CASR: variants seen among roughly 807,000 people sequenced by gnomAD.
CASR encodes the protein extracellular calcium-sensing receptor.
In CASR, 23 loss-of-function variants were observed where a neutral mutation model predicts 69.1. The ratio of observed to expected loss-of-function variants is 0.33; its 90% CI spans 0.24 to 0.47. The LOEUF (loss-of-function observed/expected upper bound fraction) is 0.47. CASR is among the 20% of genes least tolerant of loss of function. The pLI is 1.00. For synonymous variants in CASR, 541 were observed against 544.7 expected, an observed-to-expected ratio of 0.99 and a Z score of 0.10; for missense variants, 924 against 1,356.1, an observed-to-expected ratio of 0.68 and a Z score of 5.00.
intron 1 of CASR, among the ~76,000 whole-genome samples, chr3:122,244,651 G>A (rs2074409683): frequency 6.6e-6 from 1 of 152,076 alleles, no homozygotes; most frequent in South Asian, 2.1e-4. Context: ...CGGAGTTCTG[G>A]TTCTGTTTTT....
intron 2 of CASR, among the ~76,000 whole-genome samples, chr3:122,255,806 C>G (rs916561969): frequency 3.9e-5 from 6 of 152,004 alleles, no homozygotes; most frequent in Non-Finnish European, 8.8e-5. Flanking sequence ...AAAGTTAGAC[C>G]AAGAGCTTAG....
intron 1 of CASR, among the ~76,000 whole-genome samples, chr3:122,229,798 G>A (rs4247192): frequency 0.16 from 24,855 of 152,174 alleles, 2,101 homozygotes; most frequent in Non-Finnish European, 0.18. Flanking sequence ...GGAGGTGGAA[G>A]CCACAGTGAG....
chr3:122,238,674 C>T (rs1377835430), intron 1 of CASR, among the ~76,000 whole-genome samples: 1 of 152,194 alleles, frequency 6.6e-6, no homozygotes, highest in Non-Finnish European at 1.5e-5. Context: ...CTCCTTCCTT[C>T]TGCTTAAGGA....
chr3:122,284,185 A>C lies in CASR; in HGVS notation c.2231A>C (p.Tyr744Ser). The C allele has an allele frequency of 6.2e-7, 1 of 1,613,914 alleles. No homozygotes were observed. The highest frequency in any genetic ancestry group is 8.5e-7 in the Non-Finnish European group (1 of 1,179,984). The change falls in exon 7 of 7, where the codon TAC (tyrosine) becomes TCC (serine). Residue 744 changes from tyrosine (Y) to serine (S), a missense_variant. By Grantham distance (144) the Tyr-to-Ser change is moderately radical. Coordinates refer to ENST00000639785, the MANE Select transcript of CASR (RefSeq NM_000388.4). Reference sequence around the variant, plus strand: ...ATTGTCATCTGTGTGATCTGGCTCTACACCGCGCCCCCGTCAAGCTACCGC... The same window carrying C: ...ATTGTCATCTGTGTGATCTGGCTCTCCACCGCGCCCCCGTCAAGCTACCGC... The part of the protein sequence containing the change: ...MQIVICVIWL[Y>S]TAPPSSYRNQ...
At chr3:122,243,676 T>A (rs979682997) in intron 1 of CASR, among the ~76,000 whole-genome samples, 4 of 152,108 alleles carry the variant, frequency 2.6e-5, no homozygotes, top group African/African-American at 9.7e-5. Flanking sequence ...CTGCTAGGTA[T>A]ATATACCCCA....
Position 122,290,937 on chromosome 3 carries a change from A to T in CASR, c.*5746A>T, listed in dbSNP as rs546401264. The T allele has an allele frequency of 4.3e-4, 60 of 139,264 alleles. No homozygotes were observed. Among genetic ancestry groups the T allele is most frequent in the African/African-American group, 1.3e-3 (48 of 36,516 alleles). 8.6% of individuals were successfully genotyped at this position (139,264 alleles called of 1,614,324 possible). ...ATGTTCCCCTTCCTGTGTCCATGTG[A>T]TCTCATTGTTCGATTCCCACCTATG... is the stretch of plus-strand genomic sequence containing the variant. On this transcript the variant is annotated 3_prime_UTR_variant, in exon 7 of 7. Transcript: ENST00000639785.
chr3:122,275,113 G>A (rs2074801397), intron 4 of CASR, among the ~76,000 whole-genome samples: 1 of 152,166 alleles, frequency 6.6e-6, no homozygotes, highest in Non-Finnish European at 1.5e-5. Flanking sequence ...AAGTACTTAG[G>A]GTCGTGCCTC....
At position 122,262,063 on chromosome 3, in the gene CASR, T is replaced by C. The variant is rs750427763; in HGVS notation, c.1028T>C (p.Val343Ala). ...AAGAAGGTCCATCCCAGGAAGTCTG[T>C]CCACAATGGTTTTGCCAAGGAGTTT... Reference protein sequence around the residue: ...FLKKVHPRKSVHNGFAKEFWE... With the variant: ...FLKKVHPRKSAHNGFAKEFWE... Residue 343 changes from valine (V) to alanine (A), a missense_variant, in exon 4 of 7, where the codon GTC becomes GCC. By Grantham distance (64) the Val-to-Ala change is moderately conservative (BLOSUM62 0). Around this residue, in one of 8 missense-constraint regions of CASR, gnomAD observed 310 missense variants for 395.7 expected, o/e 0.78. Coordinates refer to ENST00000639785, the MANE Select transcript of CASR (RefSeq NM_000388.4). 4 of 1,614,166 alleles carry C rather than the reference T, an allele frequency of 2.5e-6. No homozygotes were observed. Among genetic ancestry groups the C allele is most frequent in the Non-Finnish European group, 2.5e-6 (3 of 1,180,022 alleles).
chr3:122,255,600 T>C (rs1453020588), intron 2 of CASR, among the ~76,000 whole-genome samples: 2 of 152,152 alleles, frequency 1.3e-5, no homozygotes, highest in African/African-American at 4.8e-5. Flanking sequence ...AGACCTAAGA[T>C]CAAGCAAGAG....
chr3:122,184,300 G>GCCGGGT (rs1407512402), intron 1 of CASR: 9 of 153,238 alleles, frequency 5.9e-5, no homozygotes, highest in Non-Finnish European at 1.2e-4. Context: ...CGGGGCCGGG[G>GCCGGGT]CCGGGGCCGC....
intron 1 of CASR, among the ~76,000 whole-genome samples, chr3:122,243,082 C>T (rs2074393607): frequency 6.6e-6 from 1 of 152,084 alleles, no homozygotes; most frequent in South Asian, 2.1e-4. Flanking sequence ...TAAACAAAAA[C>T]ACTGGGGAAG....
chr3:122,210,254 A>T (rs1255037534), intron 1 of CASR, among the ~76,000 whole-genome samples: 1 of 152,194 alleles, frequency 6.6e-6, no homozygotes. Context: ...CAGGCAAGAG[A>T]AAGAAATAAA....
At chr3:122,212,212 G>A (rs1339412116) in intron 1 of CASR, among the ~76,000 whole-genome samples, 1 of 152,164 alleles carries the variant, frequency 6.6e-6, no homozygotes, top group African/African-American at 2.4e-5. Flanking sequence ...TATACACCAT[G>A]GAATATTATG....
Position 122,284,624 on chromosome 3 carries a change from C to T in CASR, c.2670C>T (p.Arg890=), listed in dbSNP as rs1484810573. Residue 890 remains arginine (R), a synonymous_variant, in exon 7 of 7, where the codon CGC becomes CGT. Coordinates refer to ENST00000639785, the MANE Select transcript of CASR (RefSeq NM_000388.4). ...AFKVAARATL[R]RSNVSRKRSS... ...AGGTGGCTGCCCGGGCCACGCTGCG[C>T]CGCAGCAACGTCTCCCGCAAGCGGT... is the stretch of plus-strand genomic sequence containing the variant. 1 of 1,614,062 alleles carries T rather than the reference C, an allele frequency of 6.2e-7. No individual in the cohort carries two copies. Among genetic ancestry groups the T allele is most frequent in the Non-Finnish European group, 8.5e-7 (1 of 1,179,976 alleles).
chr3:122,230,262 C>T (rs1408097169), intron 1 of CASR, among the ~76,000 whole-genome samples: 3 of 152,210 alleles, frequency 2.0e-5, no homozygotes, highest in East Asian at 1.9e-4. Flanking sequence ...GCAAAGGCAG[C>T]GATGACGCCT....
intron 1 of CASR, among the ~76,000 whole-genome samples, chr3:122,239,521 T>C (rs1218386268): frequency 6.6e-6 from 1 of 152,258 alleles, no homozygotes; most frequent in East Asian, 1.9e-4. Flanking sequence ...ACAAGCCTGG[T>C]TGGCTTCTTC....
At chr3:122,234,955 G>C (rs1237003437) in intron 1 of CASR, among the ~76,000 whole-genome samples, 1 of 152,224 alleles carries the variant, frequency 6.6e-6, no homozygotes, top group Admixed American at 6.5e-5. Flanking sequence ...CACTGAGAGT[G>C]CACTGCATCA....
At chr3:122,258,498 T>G (rs1457722274) in intron 3 of CASR, among the ~76,000 whole-genome samples, 2 of 152,100 alleles carry the variant, frequency 1.3e-5, no homozygotes, top group Non-Finnish European at 2.9e-5. Context: ...CTTTGTAACT[T>G]TTGTGCCAAA....
In CASR at chr3:122,254,252, G is replaced by C. The variant is rs966820424; in HGVS notation, c.63G>C (p.Gly21=). Residue 21 remains glycine, a synonymous_variant, in exon 2 of 7, where the codon GGG becomes GGC. Transcript: ENST00000639785. ...LALTWHTSAY[G]PDQRAQKKGD... is the part of the protein sequence containing the mutation. ...TCACCTGGCACACCTCTGCCTACGG[G>C]CCAGACCAGCGAGCCCAAAAGAAGG... 21 of 1,613,958 alleles carry C rather than the reference G, an allele frequency of 1.3e-5. No individual in the cohort carries two copies. The highest frequency in any genetic ancestry group is 1.7e-5 in the Non-Finnish European group (20 of 1,180,010).
Sources: allele counts gnomAD v4.1 joint callset (sites outside exome capture counted in the v4.1 genomes callset), GRCh38; gene constraint gnomAD v4.1.1; regional missense constraint gnomAD v4.1.1; transcripts MANE v1.5; gene names NCBI Gene and HGNC (gene_info 2026-07-23, HGNC 2026-07-21).